The following ACSF3 variants were observed in gnomAD, a reference collection of about 807,000 sequenced individuals.
ACSF3 encodes the protein malonate--CoA ligase ACSF3, mitochondrial.
In ACSF3, 78 loss-of-function variants were observed where a neutral mutation model predicts 53.2. The ratio of observed to expected loss-of-function variants is 1.47; its 90% CI spans 1.22 to 1.77. ACSF3 has a LOEUF of 1.77. ACSF3 is among the 40% of genes most tolerant of loss of function. ACSF3 has a pLI of 0.00. For synonymous variants in ACSF3, 414 were observed against 333.1 expected (o/e 1.24, Z -2.65); for missense variants, 937 against 771.1 (o/e 1.22, Z -2.55).
chr16:89,151,180 A>G (rs1413275700), intron 10 of ACSF3: 4 of 539,456 alleles, frequency 7.4e-6, no homozygotes, highest in African/African-American at 5.8e-5. Context: ...GATGAAACAG[A>G]TAACTCCCTT....
At chr16:89,103,889 G>C (rs1458685821) in intron 4 of ACSF3, among the ~76,000 whole-genome samples, 1 of 152,242 alleles carries the variant, frequency 6.6e-6, no homozygotes, top group Admixed American at 6.5e-5. Flanking sequence ...GCTGCTGCGC[G>C]CAGCCTTGCC....
intron 8 of ACSF3, among the ~76,000 whole-genome samples, chr16:89,139,438 T>A (rs1405389406): frequency 1.3e-5 from 2 of 151,988 alleles, no homozygotes; most frequent in African/African-American, 4.8e-5. Context: ...TCTCTCCGGG[T>A]CTTCGTTCTG....
intron 10 of ACSF3, chr16:89,150,370 A>C (rs564096467): frequency 6.5e-6 from 1 of 152,852 alleles, no homozygotes; most frequent in Admixed American, 6.5e-5. Flanking sequence ...TTAAACAGTT[A>C]CCTTGAGAAG....
chr16:89,140,931 C>G, intron 8 of ACSF3: 1 of 520,654 alleles, frequency 1.9e-6, no homozygotes, highest in South Asian at 2.1e-5. Context: ...AAGAAAACTC[C>G]TTTAATGAAC....
rs200120467 is a variant in ACSF3 at position 89,102,765 on chromosome 16, T to A, written c.822+6T>A. On this transcript the variant is annotated splice_donor_region_variant and intron_variant, in intron 4 of 10. Transcript: ENST00000614302. Reference sequence around the variant, plus strand: ...CTGAGTTCAGCCCTCAGCAGGTGAGTTGGGGTCAGGGCTCTCGGTTGCACC... The same window carrying A: ...CTGAGTTCAGCCCTCAGCAGGTGAGATGGGGTCAGGGCTCTCGGTTGCACC... 2 of 1,603,610 alleles carry A rather than the reference T, an allele frequency of 1.2e-6. No individual in the cohort carries two copies. Among genetic ancestry groups the A allele is most frequent in the Non-Finnish European group, 1.7e-6 (2 of 1,174,654 alleles).
rs1186994238 is a variant in ACSF3 at position 89,154,717 on chromosome 16, C to T, written c.*510C>T. The T allele has an allele frequency of 1.3e-5, 6 of 454,222 alleles. No individual in the cohort carries two copies. In the Middle Eastern group the frequency reaches 2.1e-3, roughly 157 times the overall value. 28.1% of individuals were successfully genotyped at this position (454,222 alleles called of 1,614,324 possible). ...AGGAGCTGAGGGTTCACAAGCCTCC[C>T]AGAACCAGCCCTGTCCCATGGGTTC... On this transcript the variant is annotated 3_prime_UTR_variant, in exon 11 of 11. Coordinates refer to ENST00000614302, the MANE Select transcript of ACSF3 (RefSeq NM_001243279.3).
intron 2 of ACSF3, among the ~76,000 whole-genome samples, chr16:89,099,024 C>G (rs1402226207): frequency 1.3e-5 from 2 of 152,262 alleles, no homozygotes; most frequent in Non-Finnish European, 2.9e-5. Context: ...GCAGCAGAGC[C>G]CAGAGGGTGC....
chr16:89,148,703 C>T (rs1685520357), intron 10 of ACSF3: 1 of 152,262 alleles, frequency 6.6e-6, no homozygotes, highest in African/African-American at 2.4e-5. Context: ...CCATCTTTCT[C>T]CTCTTCACTG....
At position 89,102,594 on chromosome 16, in the gene ACSF3, T is replaced by TC; in HGVS notation, c.667-6dup. ...GCTCTTGCTCTCAGCTGTGCTCTCG[T>TC]CCCCTGCAGGTGACCGGGCTGGTCC... is the stretch of plus-strand genomic sequence containing the variant. On this transcript the variant is annotated splice_polypyrimidine_tract_variant and intron_variant, in intron 3 of 10. Transcript: ENST00000614302. 1.2e-6 allele frequency: 2 copies of TC among 1,613,350 alleles called. No individual in the cohort carries two copies. The highest frequency in any genetic ancestry group is 8.5e-7 in the Non-Finnish European group (1 of 1,180,012).
chr16:89,148,374 A>G (rs960279048), intron 10 of ACSF3: 2 of 152,236 alleles, frequency 1.3e-5, no homozygotes, highest in African/African-American at 4.8e-5. Flanking sequence ...TGCTGGAATT[A>G]CAGGCGTGAG....
intron 2 of ACSF3, 123 bp from the exon 3 acceptor site, chr16:89,100,539 C>T (rs1597885048): frequency 1.0e-6 from 1 of 997,326 alleles, no homozygotes; most frequent in Non-Finnish European, 1.5e-6. Flanking sequence ...GGTGCGCTGC[C>T]TCATGACTGA....
intron 8 of ACSF3, among the ~76,000 whole-genome samples, chr16:89,133,791 T>C (rs1567728298): frequency 6.6e-6 from 1 of 152,200 alleles, no homozygotes; most frequent in African/African-American, 2.4e-5. Context: ...TTCCACAAAT[T>C]AGCACATTCT....
chr16:89,151,490 C>T lies in ACSF3; in HGVS notation c.1614-2600C>T, dbSNP rs1914073137. The T allele has an allele frequency of 3.7e-5, 10 of 271,724 alleles. No homozygotes were observed. The East Asian group carries it at 5.0e-4, about 13-fold the overall frequency. The allele number at this position is 271,724 out of a possible 1,614,324, so 16.8% of individuals were successfully genotyped here. On this transcript the variant is annotated intron_variant, in intron 10 of 10. Transcript: ENST00000614302. ...CAGACACACAAAATCCTAAACAAAA[C>T]GTTAGCAAATTAAATCCAGTTAATG... is the stretch of plus-strand genomic sequence containing the variant.
intron 8 of ACSF3, among the ~76,000 whole-genome samples, chr16:89,144,011 T>TA (rs1258122820): frequency 3.9e-5 from 6 of 152,214 alleles, no homozygotes; most frequent in African/African-American, 1.4e-4. Context: ...GCACTGCCCT[T>TA]ACATGCCCTG....
chr16:89,131,663 C>G (rs1421208246), intron 7 of ACSF3, among the ~76,000 whole-genome samples: 1 of 151,884 alleles, frequency 6.6e-6, no homozygotes, highest in African/African-American at 2.4e-5. Flanking sequence ...TCTGACCCTC[C>G]TTCCCTGGGA....
intron 1 of ACSF3, among the ~76,000 whole-genome samples, chr16:89,096,699 G>A (rs930986850): frequency 3.9e-5 from 6 of 152,170 alleles, no homozygotes; most frequent in Admixed American, 6.5e-5. Context: ...TAGACACCCC[G>A]AGTGAACACA....
chr16:89,110,238 G>A (rs1001617941), intron 4 of ACSF3, among the ~76,000 whole-genome samples: 4 of 152,212 alleles, frequency 2.6e-5, no homozygotes, highest in Non-Finnish European at 5.9e-5. Context: ...GTCATGTCAT[G>A]AAGATATTCC....
At chr16:89,142,831 G>A (rs1315845558) in intron 8 of ACSF3, among the ~76,000 whole-genome samples, 2 of 152,202 alleles carry the variant, frequency 1.3e-5, no homozygotes, top group African/African-American at 2.4e-5. Context: ...CTAAGGAGAC[G>A]GGGTCTCGCA....
intron 1 of ACSF3, among the ~76,000 whole-genome samples, chr16:89,096,056 G>A (rs919859330): frequency 1.9e-4 from 29 of 152,124 alleles, no homozygotes; most frequent in African/African-American, 7.0e-4. Context: ...GAGAGGTCCT[G>A]CCTCCCTCCC....
Sources: gnomAD v4.1 joint callset for allele counts (sites outside exome capture counted in the v4.1 genomes callset) on GRCh38, gnomAD v4.1.1 for gene constraint, MANE v1.5 for transcripts, NCBI Gene and HGNC (gene_info 2026-07-23, HGNC 2026-07-21) for gene names.